C12orf56: variants seen among roughly 807,000 people sequenced by gnomAD.
The protein encoded by C12orf56 is uncharacterized protein C12orf56.
In C12orf56, 71 loss-of-function variants were observed where a neutral mutation model predicts 69.9. The ratio of observed to expected loss-of-function variants is 1.02; its 90% CI spans 0.84 to 1.24. The LOEUF is 1.24. C12orf56 is among the 50% of genes most tolerant of loss of function. The pLI is 0.00. For synonymous variants in C12orf56, 276 were observed against 274.1 expected, an observed-to-expected ratio of 1.01 and a Z score of -0.07; for missense variants, 732 against 738.5, an observed-to-expected ratio of 0.99 and a Z score of 0.10.
chr12:64,383,263 G>A (rs1249689066), intron 1 of C12orf56, among the ~76,000 whole-genome samples: 1 of 151,446 alleles, frequency 6.6e-6, no homozygotes, highest in Non-Finnish European at 1.5e-5. Flanking sequence ...GTTGCAGTGA[G>A]CAGAGGTGTC....
At chr12:64,356,039 C>T (rs1478952431) in intron 1 of C12orf56, among the ~76,000 whole-genome samples, 2 of 152,136 alleles carry the variant, frequency 1.3e-5, no homozygotes, top group Admixed American at 1.3e-4. Flanking sequence ...TGGTGTGCAT[C>T]TGTAATCCCA....
chr12:64,299,414 TAGA>T (rs1293038906), intron 6 of C12orf56, among the ~76,000 whole-genome samples: 1 of 152,184 alleles, frequency 6.6e-6, no homozygotes, highest in Non-Finnish European at 1.5e-5. Context: ...ATAACTGAAT[TAGA>T]AGATTTGTTT....
chr12:64,366,995 A>G lies in C12orf56; in HGVS notation c.253-13939T>C, dbSNP rs2039497195. Among the ~76,000 whole-genome samples the G allele has an allele frequency of 3.3e-5, 3 of 90,150 alleles. No homozygotes were observed. In the South Asian group the frequency reaches 1.2e-3, roughly 35 times the overall value. 59.1% of individuals were successfully genotyped at this position (90,150 alleles called of 152,430 possible). A position where few individuals can be genotyped will look rare whatever the true frequency, so the allele number is the denominator to read the frequency against. ...ACTTTATATATTATATATAACATAC[A>G]CTTTATATATTATATATAACATACA... On this transcript the variant is annotated intron_variant, in intron 1 of 12. Transcript: ENST00000543942.
At chr12:64,313,116 G>T (rs2038641636) in intron 4 of C12orf56, among the ~76,000 whole-genome samples, 1 of 151,668 alleles carries the variant, frequency 6.6e-6, no homozygotes, top group African/African-American at 2.4e-5. Context: ...AAAAAAATTA[G>T]CCGGGCATGG....
Position 64,270,578 on chromosome 12 carries a change from G to T in C12orf56, c.1721C>A (p.Thr574Asn), listed in dbSNP as rs2037972459. 1 of 1,611,842 alleles carries T rather than the reference G, an allele frequency of 6.2e-7. No homozygotes were observed. Among genetic ancestry groups the T allele is most frequent in the South Asian group, 1.1e-5 (1 of 90,700 alleles). Residue 574 changes from threonine (T) to asparagine (N), a missense_variant, in exon 12 of 13, where the codon ACT (threonine) becomes AAT (asparagine). Physicochemically the swap from Thr to Asn is moderately conservative, Grantham distance 65 (BLOSUM62 0). Transcript: ENST00000543942. ...GTTATTCCTAATATACTCAGCTAGAGTCCTGCTGTGCCGCAGACAGCTCTT... is the reference window on the plus strand; with the variant it reads ...GTTATTCCTAATATACTCAGCTAGATTCCTGCTGTGCCGCAGACAGCTCTT... ...ILKSCLRHSRTLAEYIRNNYR... is the reference protein window; with the variant it reads ...ILKSCLRHSRNLAEYIRNNYR...
At position 64,328,212 on chromosome 12, in the gene C12orf56, G is replaced by A. The variant is rs184595951; in HGVS notation, c.488+2748C>T. Among the ~76,000 whole-genome samples, 21 of 152,114 alleles carry A rather than the reference G, an allele frequency of 1.4e-4. No homozygotes were observed. In the East Asian group the frequency reaches 3.3e-3, roughly 24 times the overall value. ...CCCCAGTTAGGATTTCACTTTTTCCGAACAGCATTTTGCAATGCTTTTCTA... is the reference window on the plus strand; with the variant it reads ...CCCCAGTTAGGATTTCACTTTTTCCAAACAGCATTTTGCAATGCTTTTCTA... On this transcript the variant is annotated intron_variant, in intron 3 of 12. Coordinates refer to ENST00000543942, the MANE Select transcript of C12orf56 (RefSeq NM_001170633.2).
At chr12:64,348,795 G>T (rs1356593258) in intron 2 of C12orf56, among the ~76,000 whole-genome samples, 3 of 152,126 alleles carry the variant, frequency 2.0e-5, no homozygotes, top group East Asian at 3.8e-4. Context: ...GTCTTGTCTT[G>T]ATCCTCTTCA....
At chr12:64,301,578 A>G (rs1406134885) in intron 6 of C12orf56, among the ~76,000 whole-genome samples, 3 of 152,208 alleles carry the variant, frequency 2.0e-5, no homozygotes, top group Admixed American at 1.3e-4. Flanking sequence ...TTAGTTATAG[A>G]TTAAAAGAAG....
At chr12:64,361,435 C>T (rs1463268318) in intron 1 of C12orf56, among the ~76,000 whole-genome samples, 1 of 152,184 alleles carries the variant, frequency 6.6e-6, no homozygotes, top group East Asian at 1.9e-4. Context: ...GCACAAGATA[C>T]AGGTCATAAA....
chr12:64,276,224 G>A (rs1446390298), intron 9 of C12orf56, among the ~76,000 whole-genome samples: 1 of 152,154 alleles, frequency 6.6e-6, no homozygotes, highest in African/African-American at 2.4e-5. Context: ...ACGCAAGGGA[G>A]AACAACACAG....
intron 3 of C12orf56, among the ~76,000 whole-genome samples, chr12:64,326,994 A>G (rs1327551389): frequency 6.6e-6 from 1 of 152,176 alleles, no homozygotes; most frequent in Non-Finnish European, 1.5e-5. Flanking sequence ...TTAATATGTT[A>G]ATGTGTTATC....
At chr12:64,294,894 A>G (rs908625843) in intron 6 of C12orf56, among the ~76,000 whole-genome samples, 9 of 151,930 alleles carry the variant, frequency 5.9e-5, no homozygotes, top group African/African-American at 2.2e-4. Context: ...AATCATATGA[A>G]GAAAAAAAAA....
rs557745342 is a variant in C12orf56 at position 64,337,105 on chromosome 12, C to A, written c.416-6073G>T. Among the ~76,000 whole-genome samples, 5 of 152,194 alleles carry A rather than the reference C, an allele frequency of 3.3e-5. No individual in the cohort carries two copies. In the South Asian group the frequency reaches 1.0e-3, roughly 32 times the overall value. On this transcript the variant is annotated intron_variant, in intron 2 of 12. Coordinates refer to ENST00000543942, the MANE Select transcript of C12orf56 (RefSeq NM_001170633.2). ...TTTTTCTATGCTTTTCACCAACTCC[C>A]AATTACAGGGACAGATACCTTAAAA...
intron 3 of C12orf56, among the ~76,000 whole-genome samples, chr12:64,319,417 A>T (rs1483517202): frequency 6.6e-6 from 1 of 152,136 alleles, no homozygotes; most frequent in African/African-American, 2.4e-5. Flanking sequence ...TTTGTTTGAG[A>T]CCGGGTCTCA....
At chr12:64,323,651 G>A (rs1399480884) in intron 3 of C12orf56, among the ~76,000 whole-genome samples, 1 of 148,822 alleles carries the variant, frequency 6.7e-6, no homozygotes, top group Non-Finnish European at 1.5e-5. Context: ...AGAGGGACAT[G>A]CCACAAGCCC....
At chr12:64,334,694 T>C (rs560321494) in intron 2 of C12orf56, among the ~76,000 whole-genome samples, 1 of 152,270 alleles carries the variant, frequency 6.6e-6, no homozygotes, top group East Asian at 1.9e-4. Flanking sequence ...GGAGAGCCAA[T>C]ATTCACTGCA....
intron 10 of C12orf56, 55 bp downstream of exon 10, chr12:64,275,243 C>A: frequency 2.4e-6 from 2 of 828,086 alleles, no homozygotes; most frequent in South Asian, 1.9e-5. Context: ...ATATAATAGT[C>A]ATGTAATTTA....
rs869290282 is a variant in C12orf56 at position 64,387,077 on chromosome 12, C to CAAAAAAAAAAAAAAAAAAAAAAAA, written c.252+3213_252+3236dup. 3.6e-4 allele frequency among the ~76,000 whole-genome samples: 15 copies of CAAAAAAAAAAAAAAAAAAAAAAAA among 42,104 alleles called. 4 individuals are homozygous for CAAAAAAAAAAAAAAAAAAAAAAAA. The highest frequency in any genetic ancestry group is 1.1e-3 in the African/African-American group (10 of 9,156). 27.6% of individuals were successfully genotyped at this position (42,104 alleles called of 152,430 possible). On this transcript the variant is annotated intron_variant, in intron 1 of 12. Transcript: ENST00000543942. Reference sequence around the variant, plus strand: ...TGGGTAACAGAGCGAGACTCTATCTCAAAAAAAAAAAAAAAAAAAAAAAAA... The same window carrying CAAAAAAAAAAAAAAAAAAAAAAAA: ...TGGGTAACAGAGCGAGACTCTATCTCAAAAAAAAAAAAAAAAAAAAAAAAAAAAAAAAAAAAAAAAAAAAAAAAA...
rs575842397 is a variant in C12orf56 at position 64,282,166 on chromosome 12, G to A, written c.1310+2498C>T. 2.3e-4 allele frequency among the ~76,000 whole-genome samples: 35 copies of A among 152,262 alleles called. 1 individual carries two copies. In the South Asian group the frequency reaches 5.0e-3, roughly 22 times the overall value. On this transcript the variant is annotated intron_variant, in intron 8 of 12. Transcript: ENST00000543942. ...AGTCCAGGAGTTTGAGACCAGCCCC[G>A]ACAACAAAGTGAGACCTTGTCTCTA...
Sources: gnomAD v4.1 joint callset for allele counts (sites outside exome capture counted in the v4.1 genomes callset) on GRCh38, gnomAD v4.1.1 for gene constraint, MANE v1.5 for transcripts, NCBI Gene and HGNC (gene_info 2026-07-23, HGNC 2026-07-21) for gene names.